IP6K3: variants seen among roughly 807,000 people sequenced by gnomAD.
The protein encoded by IP6K3 is ATP:1D-myo-inositol-hexakisphosphate phosphotransferase.
A neutral mutation model predicts 28.8 loss-of-function variants in IP6K3; 20 were observed. The ratio of observed to expected loss-of-function variants is 0.70; its 90% CI spans 0.49 to 1.01. The LOEUF is 1.01. Ranked by LOEUF, IP6K3 falls within the 50% of genes least tolerant of loss-of-function variation. The probability of loss-of-function intolerance (pLI) is 0.00; values close to 1 mark genes in which losing one functional copy is unlikely to be tolerated. For missense variants in IP6K3, 480 were observed against 537.1 expected (o/e 0.89, Z 1.05); for synonymous variants, 213 against 221.3 (o/e 0.96, Z 0.33).
At chr6:33,730,583 G>A (rs1000494298) in intron 2 of IP6K3, among the ~76,000 whole-genome samples, 2 of 152,170 alleles carry the variant, frequency 1.3e-5, no homozygotes, top group East Asian at 1.9e-4. Flanking sequence ...AGGGGCTGAC[G>A]GCAGGTTGAG....
At chr6:33,727,882 A>G in intron 3 of IP6K3, 1 of 985,478 alleles carries the variant, frequency 1.0e-6, no homozygotes, top group African/African-American at 1.7e-5. Context: ...GATAAAATGC[A>G]TCGTAATCCT....
At chr6:33,748,621 GAC>G (rs1561913984), upstream of IP6K3, among the ~76,000 whole-genome samples, 2 of 117,498 alleles carry the variant, frequency 1.7e-5, no homozygotes. Context: ...CCAGCTGGGC[GAC>G]ACAGAGAGAC....
At chr6:33,729,099 C>A (rs1766227812) in intron 2 of IP6K3, among the ~76,000 whole-genome samples, 1 of 152,234 alleles carries the variant, frequency 6.6e-6, no homozygotes, top group Non-Finnish European at 1.5e-5. Context: ...AACGCCCTTA[C>A]CCTACATACT....
At chr6:33,760,957 C>G in the IP6K3 span, among the ~76,000 whole-genome samples, 1 of 152,190 alleles carries the variant, frequency 6.6e-6, no homozygotes, top group African/African-American at 2.4e-5. Flanking sequence ...GCATCCTCTT[C>G]TCTCCTTTGA....
intron 2 of IP6K3, 129 bp downstream of exon 2, chr6:33,735,148 TG>T: frequency 1.4e-6 from 1 of 705,340 alleles, no homozygotes; most frequent in Non-Finnish European, 2.3e-6. Context: ...CCAGCCCCGC[TG>T]GGAGAGGGGC....
intron 1 of IP6K3, among the ~76,000 whole-genome samples, 161 bp from the exon 2 acceptor site, chr6:33,735,816 G>A (rs1210952342): frequency 6.6e-6 from 1 of 152,212 alleles, no homozygotes; most frequent in Non-Finnish European, 1.5e-5. Context: ...GGAATAATCT[G>A]TCATGAGAAA....
rs771361482 is a variant in IP6K3 at position 33,735,363 on chromosome 6, C to A, written c.114G>T (p.Thr38=). 6.2e-7 allele frequency: 1 copy of A among 1,606,472 alleles called. No individual in the cohort carries two copies. Among genetic ancestry groups the A allele is most frequent in the Non-Finnish European group, 8.5e-7 (1 of 1,176,226 alleles). ...CCCGGGAGACGAGGGGCTTGCACAC[C>A]GTATGCTCGTCATACTTCATCACGC... ...HMSVMKYDEH[T]VCKPLVSREQ... is the part of the protein sequence containing the mutation. The change falls in exon 2 of 6, where the codon ACG becomes ACT. Residue 38 remains threonine, a synonymous_variant. Transcript: ENST00000293756.
chr6:33,725,706 AT>A, intron 4 of IP6K3, 90 bp from the exon 5 acceptor site: 1 of 1,194,470 alleles, frequency 8.4e-7, no homozygotes, highest in Non-Finnish European at 1.2e-6. Flanking sequence ...CTGCCTGGAA[AT>A]TCCCTATTCT....
At chr6:33,741,530 C>G (rs1648889068) in intron 1 of IP6K3, among the ~76,000 whole-genome samples, 1 of 151,070 alleles carries the variant, frequency 6.6e-6, no homozygotes, top group Non-Finnish European at 1.5e-5. Flanking sequence ...CCTGTAATCC[C>G]AGCTACTCGG....
At chr6:33,729,319 T>A (rs2127353099) in intron 2 of IP6K3, among the ~76,000 whole-genome samples, 1 of 152,302 alleles carries the variant, frequency 6.6e-6, no homozygotes, top group East Asian at 1.9e-4. Context: ...TTGGGAGAAG[T>A]GGAGGTGAGA....
chr6:33,729,278 A>G (rs191758952), intron 2 of IP6K3, among the ~76,000 whole-genome samples: 1 of 152,326 alleles, frequency 6.6e-6, no homozygotes, highest in African/African-American at 2.4e-5. Flanking sequence ...GAGTCTTGGT[A>G]GTAGCACAGG....
the IP6K3 span, among the ~76,000 whole-genome samples, chr6:33,758,555 C>A: frequency 7.9e-5 from 12 of 152,214 alleles, no homozygotes; most frequent in East Asian, 1.7e-3. Context: ...TAAACAACAA[C>A]CAACAGGAAA....
intron 1 of IP6K3, among the ~76,000 whole-genome samples, chr6:33,741,877 G>C (rs1201378168): frequency 6.6e-6 from 1 of 151,938 alleles, no homozygotes; most frequent in Non-Finnish European, 1.5e-5. Flanking sequence ...CTTGAACCTG[G>C]GAGGCGGAGG....
At chr6:33,755,057 G>A in the IP6K3 span, among the ~76,000 whole-genome samples, 12 of 152,216 alleles carry the variant, frequency 7.9e-5, no homozygotes, top group African/African-American at 2.7e-4. Context: ...GCCATCAGGT[G>A]AGACATAGTG....
rs373705332 is a variant in IP6K3, at chr6:33,722,973, A to G, written c.980T>C (p.Leu327Pro). 6.1e-5 allele frequency: 99 copies of G among 1,614,048 alleles called. No individual in the cohort carries two copies. The African/African-American group carries it at 9.1e-4, about 15-fold the overall frequency. ...SSYRFYSSSL[L>P]VIYDGQEPPE... Reference sequence around the variant, plus strand: ...TGGTTCCTGCCCATCATAGATGACAAGGAGAGAGCTGGAATAGAAGCGGTA... The same window carrying G: ...TGGTTCCTGCCCATCATAGATGACAGGGAGAGAGCTGGAATAGAAGCGGTA... Residue 327 changes from leucine to proline, a missense_variant, in exon 6 of 6, where the codon CTT (leucine) becomes CCT (proline). Leu to Pro is a moderately conservative substitution (Grantham distance 98). Coordinates refer to ENST00000293756, the MANE Select transcript of IP6K3 (RefSeq NM_054111.5).
At chr6:33,750,532 C>G (rs1048369405), upstream of IP6K3, among the ~76,000 whole-genome samples, 11 of 152,322 alleles carry the variant, frequency 7.2e-5, no homozygotes, top group African/African-American at 2.6e-4. This position sits in a 1 kb window ranked among gnomAD's most constrained non-coding sequence, Gnocchi z 4.3. Flanking sequence ...CTTATGCCAG[C>G]TGTAGTTGCA....
At position 33,735,469 on chromosome 6, in the gene IP6K3, A is replaced by C. The variant is rs1257354865; in HGVS notation, c.8T>G (p.Val3Gly). The change falls in exon 2 of 6, where the codon GTG becomes GGG. Residue 3 changes from valine to glycine, a missense_variant. Coordinates refer to ENST00000293756, the MANE Select transcript of IP6K3 (RefSeq NM_054111.5). MV[V>G]QNSADAGDMR... is the part of the protein sequence containing the mutation. ...GTCCCCGGCGTCTGCGCTGTTTTGC[A>C]CAACCATGGCGGCAGATGGTGGTGG... 6.2e-7 allele frequency: 1 copy of C among 1,609,262 alleles called. No homozygotes were observed. Among genetic ancestry groups the C allele is most frequent in the African/African-American group, 1.3e-5 (1 of 75,050 alleles).
upstream of IP6K3, among the ~76,000 whole-genome samples, chr6:33,747,072 A>C (rs535865454): frequency 6.7e-6 from 1 of 149,428 alleles, no homozygotes; most frequent in South Asian, 2.1e-4. This position sits in a 1 kb window ranked among gnomAD's most constrained non-coding sequence, Gnocchi z 5.2. Context: ...GAGAGAGAAG[A>C]GGGGAGGAGG....
At chr6:33,751,423 C>A (rs1314698012), upstream of IP6K3, among the ~76,000 whole-genome samples, 1 of 152,096 alleles carries the variant, frequency 6.6e-6, no homozygotes, top group Non-Finnish European at 1.5e-5. This position sits in a 1 kb window ranked among gnomAD's most constrained non-coding sequence, Gnocchi z 4.3. Flanking sequence ...GATGGCCCCA[C>A]TGACTGGGAA....
Sources: gnomAD v4.1 joint callset for allele counts (sites outside exome capture counted in the v4.1 genomes callset) on GRCh38, gnomAD v4.1.1 for gene constraint, Gnocchi (gnomAD v3.1) non-coding constraint, MANE v1.5 for transcripts, NCBI Gene and HGNC (gene_info 2026-07-23, HGNC 2026-07-21) for gene names.